Variants in MPHOSPH10 observed in about 807,000 individuals in gnomAD.
MPHOSPH10 encodes U3 small nucleolar ribonucleoprotein MPP10.
In MPHOSPH10, 33 loss-of-function variants were observed where a neutral mutation model predicts 77.3. That is an observed-to-expected ratio of 0.43 (90% CI 0.32 to 0.57). The LOEUF is 0.57. MPHOSPH10 is among the 20% of genes least tolerant of loss of function. The pLI, the probability that MPHOSPH10 is intolerant of heterozygous loss-of-function variation, is 0.07. For synonymous variants in MPHOSPH10, 245 were observed against 268.0 expected (o/e 0.91, Z 0.84); for missense variants, 708 against 780.1 (o/e 0.91, Z 1.10).
chr2:71,149,379 G>C lies in MPHOSPH10; in HGVS notation c.1822G>C (p.Gly608Arg). ...LLEKSSVDQA[G>R]KYSKTVASEK... ...TGAAAAGAGCAGTGTAGATCAAGCA[G>C]GGAAATACAGCAAAACAGTAGCTTC... The change falls in exon 10 of 11, where the codon GGG becomes CGG. Residue 608 changes from glycine to arginine, a missense_variant. This residue lies in a region of MPHOSPH10 where 263 missense variants were observed against 320.0 expected (regional missense o/e 0.82). Coordinates refer to ENST00000244230, the MANE Select transcript of MPHOSPH10 (RefSeq NM_005791.3). 5 of 1,614,168 alleles carry C rather than the reference G, an allele frequency of 3.1e-6. No individual in the cohort carries two copies. The highest frequency in any genetic ancestry group is 4.2e-6 in the Non-Finnish European group (5 of 1,180,038).
chr2:71,143,666 C>A (rs905954492), intron 7 of MPHOSPH10, among the ~76,000 whole-genome samples: 3 of 152,178 alleles, frequency 2.0e-5, no homozygotes, highest in Admixed American at 1.3e-4. Flanking sequence ...CATTCTATCT[C>A]TGTGGATTGG....
intron 10 of MPHOSPH10, 67 bp from the exon 11 acceptor site, chr2:71,149,799 C>T (rs771149240): frequency 1.5e-6 from 2 of 1,324,374 alleles, no homozygotes; most frequent in Non-Finnish European, 2.0e-6. Context: ...TGGTGATGTA[C>T]TATTTTTGGC....
At chr2:71,145,504 GTTT>G (rs1213989829) in intron 8 of MPHOSPH10, among the ~76,000 whole-genome samples, 1 of 116,662 alleles carries the variant, frequency 8.6e-6, no homozygotes, top group Non-Finnish European at 1.8e-5. Context: ...TTTTTTGTTT[GTTT>G]GGTTTTTTTT....
At chr2:71,146,929 A>G (rs756173617) in intron 8 of MPHOSPH10, among the ~76,000 whole-genome samples, 2 of 152,230 alleles carry the variant, frequency 1.3e-5, no homozygotes, top group East Asian at 1.9e-4. Flanking sequence ...CAGGATCAGT[A>G]TGAAACCTGT....
In MPHOSPH10 at chr2:71,134,646, A is replaced by G. The variant is rs752125493; in HGVS notation, c.947A>G (p.Gln316Arg). The G allele has an allele frequency of 3.7e-6, 6 of 1,604,114 alleles. No homozygotes were observed. The highest frequency in any genetic ancestry group is 5.1e-6 in the Non-Finnish European group (6 of 1,177,370). The change falls in exon 4 of 11, where the codon CAA becomes CGA. Residue 316 changes from glutamine to arginine, a missense_variant. Gln to Arg is a conservative substitution (Grantham distance 43, BLOSUM62 1). Transcript: ENST00000244230. ...TGTAGGGATGAAGATGATGACCTTC[A>G]AGAAAATGAAGACAATAAACAACAT... ...ISETDEDDDL[Q>R]ENEDNKQHKE...
At position 71,149,923 on chromosome 2, in the gene MPHOSPH10, G is replaced by A; in HGVS notation, c.1954G>A (p.Asp652Asn). ...SSQAFFSKLQ[D>N]QVKMQINDAK... ...TCAAGCATTCTTTTCTAAATTACAAGATCAAGTAAAAATGCAAATCAATGA... is the reference window on the plus strand; with the variant it reads ...TCAAGCATTCTTTTCTAAATTACAAAATCAAGTAAAAATGCAAATCAATGA... Residue 652 changes from aspartate to asparagine, a missense_variant, in exon 11 of 11, where the codon GAT becomes AAT. Asp to Asn is a conservative substitution (Grantham distance 23). Transcript: ENST00000244230. 1 of 1,575,588 alleles carries A rather than the reference G, an allele frequency of 6.3e-7. No individual in the cohort carries two copies. The highest frequency in any genetic ancestry group is 2.3e-5 in the East Asian group (1 of 43,964).
intron 8 of MPHOSPH10, 106 bp from the exon 9 acceptor site, chr2:71,147,893 A>G (rs887166834): frequency 1.2e-6 from 1 of 809,832 alleles, no homozygotes; most frequent in Non-Finnish European, 2.0e-6. Flanking sequence ...GATAATCTCC[A>G]TAAAGTATTT....
At position 71,144,478 on chromosome 2, in the gene MPHOSPH10, G is replaced by A. The variant is rs2103677611; in HGVS notation, c.1497G>A (p.Met499Ile). 1 of 1,613,222 alleles carries A rather than the reference G, an allele frequency of 6.2e-7. No homozygotes were observed. The highest frequency in any genetic ancestry group is 2.2e-5 in the East Asian group (1 of 44,832). ...ENPEHVEIQK[M>I]MDSLFLKLDA... Reference sequence around the variant, plus strand: ...CAGAACATGTAGAAATTCAGAAGATGATGGATTCCCTCTTCTTAAAATTGG... The same window carrying A: ...CAGAACATGTAGAAATTCAGAAGATAATGGATTCCCTCTTCTTAAAATTGG... The change falls in exon 8 of 11, where the codon ATG becomes ATA. Residue 499 changes from methionine to isoleucine, a missense_variant. By Grantham distance (10) the Met-to-Ile change is conservative (BLOSUM62 1). Transcript: ENST00000244230.
intron 9 of MPHOSPH10, 121 bp downstream of exon 9, chr2:71,148,227 G>C: frequency 2.5e-6 from 2 of 804,212 alleles, no homozygotes; most frequent in South Asian, 3.2e-5. Flanking sequence ...TATCTCAGCA[G>C]TTTCTAAGTA....
intron 1 of MPHOSPH10, among the ~76,000 whole-genome samples, chr2:71,132,576 T>C (rs1469343544): frequency 1.3e-5 from 2 of 152,230 alleles, no homozygotes; most frequent in Admixed American, 6.5e-5. Context: ...GATCATTGAA[T>C]GAATAAGTGA....
At chr2:71,149,150 C>T (rs545301637) in intron 9 of MPHOSPH10, 73 bp from the exon 10 acceptor site, 2 of 1,359,508 alleles carry the variant, frequency 1.5e-6, no homozygotes, top group Admixed American at 2.4e-5. Context: ...GGCTACCCTG[C>T]AGTTTCTTCC....
rs1673629363 is a variant in MPHOSPH10 at position 71,142,369 on chromosome 2, A to C, written c.1446+1000A>C. On this transcript the variant is annotated intron_variant, in intron 7 of 10. Transcript: ENST00000244230. ...AGGAGGATGTGTACAGTTTCATTTG[A>C]ATCTTTGAGGAGATTGGGTAGATAC... Among the ~76,000 whole-genome samples the C allele has an allele frequency of 2.0e-5, 3 of 152,244 alleles. No homozygotes were observed. In the South Asian group the frequency reaches 6.2e-4, roughly 32 times the overall value.
intron 9 of MPHOSPH10, chr2:71,148,891 C>A: frequency 6.4e-6 from 2 of 312,800 alleles, no homozygotes; most frequent in Non-Finnish European, 1.2e-5. Context: ...TGGCATGTCC[C>A]TGAAGCCCAT....
At chr2:71,148,167 T>C in intron 9 of MPHOSPH10, 61 bp downstream of exon 9, 9 of 1,399,522 alleles carry the variant, frequency 6.4e-6, no homozygotes, top group Non-Finnish European at 9.1e-6. Flanking sequence ...ATAGCCAGAC[T>C]CCATTTATTT....
rs1673430424 is a variant in MPHOSPH10, at chr2:71,133,572, TTAAGG to T, written c.768_768+4del. The T allele has an allele frequency of 6.4e-7, 1 of 1,570,388 alleles. No individual in the cohort carries two copies. The highest frequency in any genetic ancestry group is 1.4e-5 in the African/African-American group (1 of 72,460). On this transcript the variant is annotated splice_donor_variant and coding_sequence_variant, in exon 2 of 11. Transcript: ENST00000244230. LOFTEE classifies it high-confidence loss of function. The stretch of plus-strand genomic sequence containing the variant: ...GGGGGACTGTTTGGAAGTAAAAAAC[TTAAGG>T]TAAAGTTTTGAGAGAAGAGAGAGCA...
At chr2:71,133,882 C>A in intron 2 of MPHOSPH10, 66 bp from the exon 3 acceptor site, 1 of 1,091,912 alleles carries the variant, frequency 9.2e-7, no homozygotes, top group South Asian at 1.8e-5. Context: ...ACATGCAAAT[C>A]TATATGCATG....
chr2:71,148,276 C>T, intron 9 of MPHOSPH10, 170 bp downstream of exon 9: 2 of 562,630 alleles, frequency 3.6e-6, no homozygotes, highest in Non-Finnish European at 6.3e-6. Flanking sequence ...AAATACCAGT[C>T]TCCTATATTC....
chr2:71,134,835 A>T, intron 4 of MPHOSPH10, 38 bp downstream of exon 4: 1 of 1,428,952 alleles, frequency 7.0e-7, no homozygotes, highest in Non-Finnish European at 9.7e-7. Context: ...TATACTTGAT[A>T]TTAACCATCC....
chr2:71,146,662 C>T (rs1673716211), intron 8 of MPHOSPH10, among the ~76,000 whole-genome samples: 2 of 152,002 alleles, frequency 1.3e-5, no homozygotes, highest in South Asian at 4.1e-4. Context: ...GGACTGTCTT[C>T]TTTTTCTCCA....
Sources: allele counts gnomAD v4.1 joint callset (sites outside exome capture counted in the v4.1 genomes callset), GRCh38; gene constraint gnomAD v4.1.1; regional missense constraint gnomAD v4.1.1; transcripts MANE v1.5; gene names NCBI Gene and HGNC (gene_info 2026-07-23, HGNC 2026-07-21).